SLC17A6: variants seen among roughly 807,000 people sequenced by gnomAD.
SLC17A6 encodes the protein solute carrier family 17 member 6, also known as vesicular glutamate transporter 2.
In SLC17A6, 35 loss-of-function variants were observed where a neutral mutation model predicts 67.1. That is an observed-to-expected ratio of 0.52 (90% CI 0.40 to 0.69). The LOEUF (loss-of-function observed/expected upper bound fraction) is 0.69, where lower values mean the gene tolerates loss of function less well. Among genes scored for constraint, SLC17A6 ranks in the 30% least tolerant of loss-of-function variants. The probability of loss-of-function intolerance (pLI) is 0.00; values close to 1 mark genes in which losing one functional copy is unlikely to be tolerated. For missense variants in SLC17A6, 588 were observed against 723.9 expected (o/e 0.81, Z 2.15); for synonymous variants, 285 against 252.3 (o/e 1.13, Z -1.23).
chr11:22,346,467 C>A lies in SLC17A6; in HGVS notation c.458+3102C>A, dbSNP rs151105827. ...GAGTCAGGAGGGGAGTAAACCCAGT[C>A]TCAGAGGAAGGATGGCTCTTGCATC... On this transcript the variant is annotated intron_variant, in intron 3 of 11. Transcript: ENST00000263160. Among the ~76,000 whole-genome samples, 157 of 152,204 alleles carry A rather than the reference C, an allele frequency of 1.0e-3. No individual in the cohort carries two copies. The Middle Eastern group carries it at 0.024, about 23-fold the overall frequency.
Position 22,356,937 on chromosome 11 carries a change from T to C in SLC17A6, c.459-2476T>C, listed in dbSNP as rs554639207. 5.3e-5 allele frequency among the ~76,000 whole-genome samples: 8 copies of C among 152,302 alleles called. No homozygotes were observed. The South Asian group carries it at 1.0e-3, about 20-fold the overall frequency. On this transcript the variant is annotated intron_variant, in intron 3 of 11. Transcript: ENST00000263160. ...AATGAAAAGTAAACATTAAAAGTAA[T>C]CTTTTGGCATTTTATTTCAGAAATA... is the stretch of plus-strand genomic sequence containing the variant.
rs1856263068 is a variant in SLC17A6 at position 22,378,812 on chromosome 11, A to G, written c.*1072A>G. On this transcript the variant is annotated 3_prime_UTR_variant, in exon 12 of 12. Coordinates refer to ENST00000263160, the MANE Select transcript of SLC17A6 (RefSeq NM_020346.3). ...ATTAAGAAATATTTGTCTTAAATAT[A>G]TAGGACAATACATTATATTAAAATG... The G allele has an allele frequency of 6.6e-6, 1 of 152,122 alleles. No individual in the cohort carries two copies. Among genetic ancestry groups the G allele is most frequent in the African/African-American group, 2.4e-5 (1 of 41,456 alleles). The allele number at this position is 152,122 out of a possible 1,614,324, so 9.4% of individuals were successfully genotyped here.
At chr11:22,355,950 T>C (rs1855989231) in intron 3 of SLC17A6, among the ~76,000 whole-genome samples, 1 of 152,246 alleles carries the variant, frequency 6.6e-6, no homozygotes, top group Non-Finnish European at 1.5e-5. Context: ...GTCTCTGGAC[T>C]ACTGGTCTCT....
At chr11:22,353,395 T>C (rs767248780) in intron 3 of SLC17A6, among the ~76,000 whole-genome samples, 5 of 152,150 alleles carry the variant, frequency 3.3e-5, no homozygotes, top group Non-Finnish European at 7.3e-5. Context: ...TCTTAACTAA[T>C]ACTATATCAT....
At chr11:22,346,877 G>A (rs750854887) in intron 3 of SLC17A6, among the ~76,000 whole-genome samples, 16 of 148,892 alleles carry the variant, frequency 1.1e-4, no homozygotes, top group African/African-American at 2.9e-4. Context: ...TTTGCAAAAG[G>A]CATAACCATA....
At position 22,374,764 on chromosome 11, in the gene SLC17A6, C is replaced by T; in HGVS notation, c.1051C>T (p.Leu351=). ...FGFEISKVGM[L]SAVPHLVMTI... is the part of the protein sequence containing the mutation. Reference sequence around the variant, plus strand: ...TCTTGTTTTTCATCAGGTTGGTATGCTATCTGCTGTGCCACACTTAGTAAT... The same window carrying T: ...TCTTGTTTTTCATCAGGTTGGTATGTTATCTGCTGTGCCACACTTAGTAAT... Residue 351 remains leucine, a synonymous_variant, in exon 9 of 12, where the codon CTA becomes TTA. Transcript: ENST00000263160. 1 of 1,606,760 alleles carries T rather than the reference C, an allele frequency of 6.2e-7. No homozygotes were observed. Among genetic ancestry groups the T allele is most frequent in the Non-Finnish European group, 8.5e-7 (1 of 1,177,378 alleles).
chr11:22,358,786 C>A (rs1351565242), intron 3 of SLC17A6, among the ~76,000 whole-genome samples: 1 of 151,748 alleles, frequency 6.6e-6, no homozygotes, highest in Non-Finnish European at 1.5e-5. Context: ...AAATGAGAAA[C>A]CTGAGAGAGA....
chr11:22,377,369 A>C, intron 11 of SLC17A6, 36 bp from the exon 12 acceptor site: 2 of 1,535,658 alleles, frequency 1.3e-6, no homozygotes, highest in Non-Finnish European at 1.8e-6. Context: ...AATCATGGGG[A>C]GTCAGTTCTC....
chr11:22,359,362 T>C (rs1266278283), intron 3 of SLC17A6, 51 bp from the exon 4 acceptor site: 3 of 1,132,830 alleles, frequency 2.6e-6, no homozygotes, highest in African/African-American at 1.6e-5. Context: ...TAGATATGTA[T>C]ATATAAGATG....
rs1233759829 is a variant in SLC17A6 at position 22,348,262 on chromosome 11, G to C, written c.458+4897G>C. On this transcript the variant is annotated intron_variant, in intron 3 of 11. Transcript: ENST00000263160. ...CTTTCAGCAGTAGGCTGAGCCATCT[G>C]CTCTCTGAATGAGTGATTACAATCT... Among the ~76,000 whole-genome samples the C allele has an allele frequency of 2.6e-5, 4 of 152,188 alleles. No individual in the cohort carries two copies. The South Asian group carries it at 6.2e-4, about 24-fold the overall frequency.
At chr11:22,351,027 C>T (rs1312210440) in intron 3 of SLC17A6, among the ~76,000 whole-genome samples, 8 of 151,818 alleles carry the variant, frequency 5.3e-5, no homozygotes, top group Non-Finnish European at 1.0e-4. Flanking sequence ...TTTAATTTTA[C>T]AAAATGTATT....
chr11:22,341,810 G>T, intron 2 of SLC17A6, 30 bp downstream of exon 2: 1 of 1,609,476 alleles, frequency 6.2e-7, no homozygotes, highest in African/African-American at 1.3e-5. Context: ...CCTGGCTCCT[G>T]CCCTTCGGCC....
intron 1 of SLC17A6, among the ~76,000 whole-genome samples, chr11:22,340,933 C>A (rs1171076993): frequency 2.6e-5 from 4 of 152,174 alleles, no homozygotes; most frequent in Admixed American, 6.5e-5. Flanking sequence ...GCTCCAGGCT[C>A]AGCTCAGGGG....
chr11:22,357,647 C>A (rs116178862), intron 3 of SLC17A6, among the ~76,000 whole-genome samples: 1 of 152,064 alleles, frequency 6.6e-6, no homozygotes, highest in Non-Finnish European at 1.5e-5. Context: ...ACGAGACAAT[C>A]GTATTTACAA....
At chr11:22,346,756 A>G (rs1855880829) in intron 3 of SLC17A6, among the ~76,000 whole-genome samples, 1 of 150,660 alleles carries the variant, frequency 6.6e-6, no homozygotes, top group Non-Finnish European at 1.5e-5. Flanking sequence ...TTTACCCTGT[A>G]TTTAAATTGC....
At chr11:22,361,017 C>A in intron 5 of SLC17A6, 33 bp downstream of exon 5, 1 of 1,581,578 alleles carries the variant, frequency 6.3e-7, no homozygotes, top group Non-Finnish European at 8.7e-7. Flanking sequence ...GCTATGGTGG[C>A]TAAAAGTTTA....
intron 1 of SLC17A6, among the ~76,000 whole-genome samples, 193 bp downstream of exon 1, chr11:22,338,812 GGTGTGTGTGTGTGTGTGTGTGTGT>G (rs3047441): frequency 1.5e-5 from 2 of 136,244 alleles, no homozygotes; most frequent in African/African-American, 5.6e-5. Context: ...GAACCTGTCT[GGTGTGTGTGTGTGTGTGTGTGTGT>G]GTGTGTGTGT....
In SLC17A6 at chr11:22,378,097, ATGCAAAATGCACTTATATATT is replaced by A. The variant is rs1232501479; in HGVS notation, c.*360_*380del. 1.9e-5 allele frequency: 5 copies of A among 266,574 alleles called. No homozygotes were observed. Among genetic ancestry groups the A allele is most frequent in the East Asian group, 6.8e-5 (1 of 14,758 alleles). The allele number at this position is 266,574 out of a possible 1,614,324, so 16.5% of individuals were successfully genotyped here. ...GTTAAGAAGCCAAAGCTACTTGATC[ATGCAAAATGCACTTATATATT>A]TGTTACACTGTATTGCAAGATAGCA... On this transcript the variant is annotated 3_prime_UTR_variant, in exon 12 of 12. Transcript: ENST00000263160.
intron 11 of SLC17A6, among the ~76,000 whole-genome samples, chr11:22,376,993 A>C (rs1856239062): frequency 6.6e-6 from 1 of 152,170 alleles, no homozygotes; most frequent in Non-Finnish European, 1.5e-5. Flanking sequence ...TGTAAACCTC[A>C]ATTCAGACTC....
Sources: allele counts gnomAD v4.1 joint callset (sites outside exome capture counted in the v4.1 genomes callset), GRCh38; gene constraint gnomAD v4.1.1; transcripts MANE v1.5; gene names NCBI Gene and HGNC (gene_info 2026-07-23, HGNC 2026-07-21).